Variants in LRRC4C observed in about 807,000 individuals in gnomAD.
LRRC4C encodes leucine rich repeat containing 4C.
In LRRC4C, 5 loss-of-function variants were observed where a neutral mutation model predicts 33.6. The ratio of observed to expected loss-of-function variants is 0.15; its 90% CI spans 0.08 to 0.31. LRRC4C has a LOEUF of 0.31. LRRC4C is among the 10% of genes least tolerant of loss of function. The pLI, the probability that LRRC4C is intolerant of heterozygous loss-of-function variation, is 1.00. For synonymous variants in LRRC4C, 329 were observed against 302.0 expected, an observed-to-expected ratio of 1.09 and a Z score of -0.93; for missense variants, 560 against 796.7, an observed-to-expected ratio of 0.70 and a Z score of 3.58.
intron 1 of LRRC4C, among the ~76,000 whole-genome samples, chr11:41,023,608 G>C (rs1047687763): frequency 6.6e-6 from 1 of 151,764 alleles, no homozygotes; most frequent in Non-Finnish European, 1.5e-5. Context: ...CAGTGATAAG[G>C]TGGGAGAAGA....
At chr11:40,680,036 A>T (rs1223410166) in intron 2 of LRRC4C, among the ~76,000 whole-genome samples, 1 of 152,148 alleles carries the variant, frequency 6.6e-6, no homozygotes, top group Admixed American at 6.5e-5. Context: ...GCTACCCAAG[A>T]TTATGGGAAC....
chr11:40,899,097 T>TG lies in LRRC4C; in HGVS notation c.-407+34537dup, dbSNP rs1956095867. On this transcript the variant is annotated intron_variant, in intron 2 of 6. Transcript: ENST00000528697. ...TTTCAGAATATGGATGTGGTCATTT[T>TG]GAAAAAAAAAAAGCATTTTATTTAG... is the stretch of plus-strand genomic sequence containing the variant. Among the ~76,000 whole-genome samples, 7 of 47,442 alleles carry TG rather than the reference T, an allele frequency of 1.5e-4. No individual in the cohort carries two copies. In the South Asian group the frequency reaches 5.6e-3, roughly 38 times the overall value. 31.1% of individuals were successfully genotyped at this position (47,442 alleles called of 152,430 possible).
intron 5 of LRRC4C, among the ~76,000 whole-genome samples, chr11:40,196,825 G>C (rs1464270106): frequency 6.6e-6 from 1 of 152,060 alleles, no homozygotes; most frequent in African/African-American, 2.4e-5. Flanking sequence ...TCCTTTTAAT[G>C]ATTCTTTGAA....
At chr11:40,501,011 C>A (rs1439407886) in intron 3 of LRRC4C, among the ~76,000 whole-genome samples, 1 of 152,110 alleles carries the variant, frequency 6.6e-6, no homozygotes, top group South Asian at 2.1e-4. Context: ...CCAAATGGGA[C>A]AAATTGGCCA....
At chr11:41,185,758 T>C (rs573175478) in intron 1 of LRRC4C, among the ~76,000 whole-genome samples, 41 of 152,216 alleles carry the variant, frequency 2.7e-4, no homozygotes, top group African/African-American at 9.6e-4. Flanking sequence ...AGTATATTCA[T>C]AGAGGTAAAT....
intron 2 of LRRC4C, among the ~76,000 whole-genome samples, chr11:40,855,703 T>C (rs1434273532): frequency 1.3e-5 from 2 of 152,198 alleles, no homozygotes; most frequent in Non-Finnish European, 2.9e-5. Flanking sequence ...ATTAGCTGCC[T>C]ATTTATGAGA....
At chr11:40,630,265 A>T (rs931585658) in intron 3 of LRRC4C, among the ~76,000 whole-genome samples, 13 of 152,144 alleles carry the variant, frequency 8.5e-5, no homozygotes, top group Non-Finnish European at 1.6e-4. Flanking sequence ...CTAAGACCAG[A>T]TATAGTTTAA....
At chr11:40,842,788 A>C (rs1217477960) in intron 2 of LRRC4C, among the ~76,000 whole-genome samples, 2 of 152,154 alleles carry the variant, frequency 1.3e-5, no homozygotes, top group African/African-American at 4.8e-5. Flanking sequence ...CTAGATCATA[A>C]ACATTACAAT....
At chr11:41,398,323 C>G (rs374552544) in intron 1 of LRRC4C, among the ~76,000 whole-genome samples, 1 of 151,862 alleles carries the variant, frequency 6.6e-6, no homozygotes. Context: ...GAATGTAGTA[C>G]GTACCACCTA....
At chr11:40,221,507 T>C (rs983841569) in intron 5 of LRRC4C, among the ~76,000 whole-genome samples, 6 of 152,130 alleles carry the variant, frequency 3.9e-5, no homozygotes, top group African/African-American at 1.4e-4. Context: ...CCATTTCCAT[T>C]TCTTCATTCA....
At chr11:41,221,864 C>A (rs951354961) in intron 1 of LRRC4C, among the ~76,000 whole-genome samples, 1 of 152,172 alleles carries the variant, frequency 6.6e-6, no homozygotes, top group South Asian at 2.1e-4. Context: ...TAAATACCCA[C>A]ACAGAGGACA....
chr11:41,070,105 C>A (rs1938565993), intron 1 of LRRC4C, among the ~76,000 whole-genome samples: 2 of 152,040 alleles, frequency 1.3e-5, no homozygotes, highest in Admixed American at 1.3e-4. Context: ...GACTTCAGAA[C>A]TAACACCACA....
At chr11:40,451,239 G>A (rs1447569620) in intron 3 of LRRC4C, among the ~76,000 whole-genome samples, 1 of 151,268 alleles carries the variant, frequency 6.6e-6, no homozygotes. Flanking sequence ...AAAGCCAGCT[G>A]CCTAGAAAAC....
intron 3 of LRRC4C, among the ~76,000 whole-genome samples, chr11:40,448,762 C>A (rs1282159676): frequency 1.3e-5 from 2 of 152,064 alleles, no homozygotes; most frequent in Non-Finnish European, 2.9e-5. Flanking sequence ...GGGTATATAC[C>A]CAGTAATGGG....
rs959937608 is a variant in LRRC4C, at chr11:40,438,645, A to G, written c.-269-118924T>C. ...GGAAGAGAAGAAAAACATTTTATATATTCTTTGTGTGCTACACAGTATGTT... is the reference window on the plus strand; with the variant it reads ...GGAAGAGAAGAAAAACATTTTATATGTTCTTTGTGTGCTACACAGTATGTT... On this transcript the variant is annotated intron_variant, in intron 3 of 6. Coordinates refer to ENST00000528697, the MANE Select transcript of LRRC4C (RefSeq NM_001258419.2). Among the ~76,000 whole-genome samples, 5 of 152,302 alleles carry G rather than the reference A, an allele frequency of 3.3e-5. No individual in the cohort carries two copies. The South Asian group carries it at 1.0e-3, about 32-fold the overall frequency.
At chr11:41,224,283 C>G (rs1947431468) in intron 1 of LRRC4C, among the ~76,000 whole-genome samples, 1 of 152,180 alleles carries the variant, frequency 6.6e-6, no homozygotes, top group Non-Finnish European at 1.5e-5. Context: ...GCACCCCTCA[C>G]TATTTCATTG....
At chr11:41,323,107 T>C (rs892256933) in intron 1 of LRRC4C, among the ~76,000 whole-genome samples, 1 of 152,168 alleles carries the variant, frequency 6.6e-6, no homozygotes, top group African/African-American at 2.4e-5. Flanking sequence ...TACAAATACC[T>C]CTTTAATGAT....
chr11:40,481,061 A>C (rs889848377), intron 3 of LRRC4C, among the ~76,000 whole-genome samples: 1 of 152,122 alleles, frequency 6.6e-6, no homozygotes, highest in South Asian at 2.1e-4. Context: ...ATGTTTTACA[A>C]CAGTAAAAAA....
intron 5 of LRRC4C, among the ~76,000 whole-genome samples, chr11:40,229,449 T>C (rs1356956074): frequency 6.6e-6 from 1 of 152,054 alleles, no homozygotes; most frequent in East Asian, 1.9e-4. Context: ...ATTTTTGTAT[T>C]TTTAGTAGAA....
Sources: gnomAD v4.1 joint callset for allele counts (sites outside exome capture counted in the v4.1 genomes callset) on GRCh38, gnomAD v4.1.1 for gene constraint, MANE v1.5 for transcripts, NCBI Gene and HGNC (gene_info 2026-07-23, HGNC 2026-07-21) for gene names.